Variants in DSG2 observed in about 807,000 individuals in gnomAD.
DSG2 encodes desmoglein 2.
A neutral mutation model predicts 75.6 loss-of-function variants in DSG2; 45 were observed. The ratio of observed to expected loss-of-function variants is 0.60; its 90% confidence interval spans 0.47 to 0.76. The LOEUF (loss-of-function observed/expected upper bound fraction) is 0.76, where lower values mean the gene tolerates loss of function less well. Among genes scored for constraint, DSG2 ranks in the 30% least tolerant of loss-of-function variants. The pLI is 0.00. For missense variants in DSG2, 1,267 were observed against 1,357.4 expected, an observed-to-expected ratio of 0.93 and a Z score of 1.05; for synonymous variants, 429 against 483.9, an observed-to-expected ratio of 0.89 and a Z score of 1.49.
chr18:31,540,415 G>C (rs1299902048), intron 12 of DSG2, among the ~76,000 whole-genome samples: 2 of 152,204 alleles, frequency 1.3e-5, no homozygotes, highest in East Asian at 3.8e-4. Context: ...CTGGAGCTGG[G>C]ACTGTATCTT....
At chr18:31,505,613 G>T (rs1277782055) in intron 1 of DSG2, among the ~76,000 whole-genome samples, 2 of 151,046 alleles carry the variant, frequency 1.3e-5, no homozygotes, top group East Asian at 3.9e-4. Context: ...GTGTTTAAGA[G>T]AATTATTTAA....
intron 1 of DSG2, 42 bp downstream of exon 1, chr18:31,498,338 G>A: frequency 8.0e-7 from 1 of 1,250,756 alleles, no homozygotes; most frequent in South Asian, 4.0e-5. Flanking sequence ...CGCCGGGGAG[G>A]GCGTCGGTAG....
chr18:31,502,666 G>A (rs538489253), intron 1 of DSG2, among the ~76,000 whole-genome samples: 182 of 152,094 alleles, frequency 1.2e-3, no homozygotes, highest in African/African-American at 4.1e-3. Flanking sequence ...CAGGAGAATC[G>A]CTTGAACCTG....
At chr18:31,519,563 C>T (rs755956783) in intron 2 of DSG2, among the ~76,000 whole-genome samples, 1 of 151,900 alleles carries the variant, frequency 6.6e-6, no homozygotes, top group Non-Finnish European at 1.5e-5. Flanking sequence ...GACCCTGTCT[C>T]AAAAGAAAAA....
At chr18:31,512,191 C>T (rs1337240263) in intron 1 of DSG2, among the ~76,000 whole-genome samples, 1 of 152,138 alleles carries the variant, frequency 6.6e-6, no homozygotes, top group Admixed American at 6.5e-5. Flanking sequence ...AACACCACCC[C>T]TGTCTCCTGC....
At chr18:31,529,699 G>A (rs1455643949) in intron 8 of DSG2, among the ~76,000 whole-genome samples, 1 of 152,146 alleles carries the variant, frequency 6.6e-6, no homozygotes, top group South Asian at 2.1e-4. Context: ...AAGCTTTGCT[G>A]TAATTCATGT....
intron 1 of DSG2, among the ~76,000 whole-genome samples, chr18:31,510,466 T>C (rs901287451): frequency 2.6e-5 from 4 of 152,272 alleles, no homozygotes; most frequent in African/African-American, 9.6e-5. Context: ...CATGAGTCCT[T>C]CTGGATTCTT....
At chr18:31,502,640 A>C (rs1036497888) in intron 1 of DSG2, among the ~76,000 whole-genome samples, 1 of 152,102 alleles carries the variant, frequency 6.6e-6, no homozygotes, top group African/African-American at 2.4e-5. Context: ...AGTCCCAGCT[A>C]CTCAGGAGGC....
In DSG2 at chr18:31,538,990, A is replaced by G; in HGVS notation, c.1879+12A>G. The stretch of plus-strand genomic sequence containing the variant: ...TCTGCTCCTGCTATGTAAGTCTTTA[A>G]AAGCCACTCTGTTGTGCTTTTGGGA... On this transcript the variant is annotated intron_variant, in intron 12 of 14. Transcript: ENST00000261590. 1 of 1,611,640 alleles carries G rather than the reference A, an allele frequency of 6.2e-7. No homozygotes were observed. The highest frequency in any genetic ancestry group is 8.5e-7 in the Non-Finnish European group (1 of 1,179,552).
rs1011487113 is a variant in DSG2, at chr18:31,498,401, C to G, written c.45+105C>G. ...TGCCCGCCGCCCTTGTGCGCGTTAC[C>G]TGCCCGGCGCTCCTTCCTGCTGCCC... On this transcript the variant is annotated intron_variant, in intron 1 of 14. Coordinates refer to ENST00000261590, the MANE Select transcript of DSG2 (RefSeq NM_001943.5). The G allele has an allele frequency of 4.3e-6, 5 of 1,170,310 alleles. No individual in the cohort carries two copies. In the African/African-American group the frequency reaches 4.8e-5, roughly 11 times the overall value. 72.5% of individuals were successfully genotyped at this position (1,170,310 alleles called of 1,614,324 possible).
At chr18:31,539,404 T>C (rs983063320) in intron 12 of DSG2, among the ~76,000 whole-genome samples, 19 of 152,312 alleles carry the variant, frequency 1.2e-4, no homozygotes, top group African/African-American at 4.3e-4. Context: ...TTTATTCCAA[T>C]CAATCCTGCT....
chr18:31,501,094 T>C (rs1288599621), intron 1 of DSG2, among the ~76,000 whole-genome samples: 1 of 152,220 alleles, frequency 6.6e-6, no homozygotes, highest in Admixed American at 6.5e-5. Flanking sequence ...ACTTAATATG[T>C]TAATAAAATA....
chr18:31,508,353 ATTTATTTTATTTTATTTTAT>A lies in DSG2; in HGVS notation c.46-9853_46-9834del, dbSNP rs199925165. Among the ~76,000 whole-genome samples, 38 of 146,006 alleles carry A rather than the reference ATTTATTTTATTTTATTTTAT, an allele frequency of 2.6e-4. 1 individual carries two copies. The South Asian group carries it at 3.6e-3, about 14-fold the overall frequency. On this transcript the variant is annotated intron_variant, in intron 1 of 14. Coordinates refer to ENST00000261590, the MANE Select transcript of DSG2 (RefSeq NM_001943.5). Reference sequence around the variant, plus strand: ...GAATTCACAGTTACTGAACTGCCTGATTTATTTTATTTTATTTTATTTTATTTTATTTTATTTTATTTTAT... The same window carrying A: ...GAATTCACAGTTACTGAACTGCCTGATTTATTTTATTTTATTTTATTTTAT...
At chr18:31,516,878 C>T (rs777995485) in intron 1 of DSG2, among the ~76,000 whole-genome samples, 4 of 152,182 alleles carry the variant, frequency 2.6e-5, no homozygotes, top group Non-Finnish European at 4.4e-5. Context: ...CTAGCTGCTC[C>T]GGTAGAACTG....
rs755923878 is a variant in DSG2 at position 31,522,077 on chromosome 18, T to C, written c.524-6T>C. 1.4e-5 allele frequency: 23 copies of C among 1,613,148 alleles called. No individual in the cohort carries two copies. The African/African-American group carries it at 1.9e-4, about 13-fold the overall frequency. On this transcript the variant is annotated splice_polypyrimidine_tract_variant and splice_region_variant and intron_variant, in intron 5 of 14. Coordinates refer to ENST00000261590, the MANE Select transcript of DSG2 (RefSeq NM_001943.5). ...TCATCTTAGACATCTTTATTTCTAA[T>C]GCCAGATACTCTTGTGATGAAAATC... is the stretch of plus-strand genomic sequence containing the variant.
intron 1 of DSG2, among the ~76,000 whole-genome samples, chr18:31,515,411 T>C (rs1044513382): frequency 6.6e-6 from 1 of 152,100 alleles, no homozygotes; most frequent in Non-Finnish European, 1.5e-5. Flanking sequence ...GGCCTAAATA[T>C]ACTAAATTTT....
At chr18:31,499,064 T>C (rs1410127281) in intron 1 of DSG2, among the ~76,000 whole-genome samples, 3 of 144,662 alleles carry the variant, frequency 2.1e-5, no homozygotes, top group African/African-American at 7.5e-5. Flanking sequence ...TTTGCTCAAA[T>C]TGGATTTTAA....
intron 9 of DSG2, among the ~76,000 whole-genome samples, chr18:31,532,967 G>A (rs1388057794): frequency 6.6e-6 from 1 of 152,054 alleles, no homozygotes; most frequent in African/African-American, 2.4e-5. Context: ...AAAAGATTGT[G>A]TGTTCTGCCT....
chr18:31,533,540 G>A (rs1159877313), intron 9 of DSG2, among the ~76,000 whole-genome samples: 1 of 152,202 alleles, frequency 6.6e-6, no homozygotes, highest in Non-Finnish European at 1.5e-5. Context: ...TATGCTACTT[G>A]AATGATGTCT....
Sources: gnomAD v4.1 joint callset for allele counts (sites outside exome capture counted in the v4.1 genomes callset) on GRCh38, gnomAD v4.1.1 for gene constraint, MANE v1.5 for transcripts, NCBI Gene and HGNC (gene_info 2026-07-23, HGNC 2026-07-21) for gene names.